The following PRDM2 variants were observed in gnomAD, a reference collection of about 807,000 sequenced individuals.
PRDM2 encodes PR/SET domain 2, also known as PR domain zinc finger protein 2.
In PRDM2, 30 loss-of-function variants were observed where a neutral mutation model predicts 130.0. The ratio of observed to expected loss-of-function variants is 0.23; its 90% CI spans 0.17 to 0.31. PRDM2 has a LOEUF of 0.31. Ranked by LOEUF, PRDM2 falls within the 10% of genes least tolerant of loss-of-function variation. The pLI is 1.00. For synonymous variants in PRDM2, 871 were observed against 782.4 expected, an observed-to-expected ratio of 1.11 and a Z score of -1.89; for missense variants, 2,011 against 2,108.4, an observed-to-expected ratio of 0.95 and a Z score of 0.90.
chr1:13,742,143 T>C lies in PRDM2; in HGVS notation c.370T>C (p.Tyr124His). The C allele has an allele frequency of 1.2e-6, 2 of 1,613,684 alleles. No individual in the cohort carries two copies. The highest frequency in any genetic ancestry group is 1.7e-6 in the Non-Finnish European group (2 of 1,179,720). ...FPLEINRAIYYKTLKPIAPGE... is the reference protein window; with the variant it reads ...FPLEINRAIYHKTLKPIAPGE... ...ACTGGAAATCAACAGAGCCATTTAC[T>C]ATAAAACTTTAAAGGTAACAGCATT... Residue 124 changes from tyrosine (Y) to histidine (H), a missense_variant, in exon 5 of 10, where the codon TAT becomes CAT. Around this residue, in one of 5 missense-constraint regions of PRDM2, gnomAD observed 1,288 missense variants for 1,237.7 expected, o/e 1.04. Transcript: ENST00000311066.
chr1:13,722,158 T>C (rs1474185919), intron 2 of PRDM2, among the ~76,000 whole-genome samples: 1 of 152,202 alleles, frequency 6.6e-6, no homozygotes, highest in Non-Finnish European at 1.5e-5. Context: ...ATTGATTTCC[T>C]CGCCAACGTT....
intron 2 of PRDM2, among the ~76,000 whole-genome samples, chr1:13,718,002 T>G (rs1477853187): frequency 2.0e-5 from 3 of 152,216 alleles, no homozygotes; most frequent in Non-Finnish European, 4.4e-5. Context: ...TATCAGTGTT[T>G]TTCAACAATC....
At chr1:13,769,688 A>C (rs1278029402) in intron 6 of PRDM2, among the ~76,000 whole-genome samples, 1 of 152,254 alleles carries the variant, frequency 6.6e-6, no homozygotes, top group East Asian at 1.9e-4. Flanking sequence ...TTTCCTTGAT[A>C]AACTAAGTGT....
At position 13,779,231 on chromosome 1, in the gene PRDM2, T is replaced by G. The variant is rs148345030; in HGVS notation, c.1436T>G (p.Val479Gly). ...NSSVVEENGEVKELHPCKYCK... is the reference protein window; with the variant it reads ...NSSVVEENGEGKELHPCKYCK... ...TCTGTCGTAGAAGAGAATGGGGAAGTTAAAGAACTTCATCCGTGCAAATAT... is the reference window on the plus strand; with the variant it reads ...TCTGTCGTAGAAGAGAATGGGGAAGGTAAAGAACTTCATCCGTGCAAATAT... Residue 479 changes from valine to glycine, a missense_variant, in exon 8 of 10, where the codon GTT becomes GGT. Physicochemically the swap from Val to Gly is moderately radical, Grantham distance 109 (BLOSUM62 -3). Transcript: ENST00000311066. The surrounding 1 kb of genome is among the most constrained non-coding windows in gnomAD (Gnocchi z 4.9). 374 of 1,613,978 alleles carry G rather than the reference T, an allele frequency of 2.3e-4. 1 individual carries two copies. Among genetic ancestry groups the G allele is most frequent in the Non-Finnish European group, 2.6e-4 (306 of 1,180,014 alleles).
chr1:13,782,594 C>T lies in PRDM2; in HGVS notation c.4799C>T (p.Ser1600Phe), dbSNP rs1053280684. 5 of 1,614,066 alleles carry T rather than the reference C, an allele frequency of 3.1e-6. No individual in the cohort carries two copies. The African/African-American group carries it at 6.7e-5, about 22-fold the overall frequency. The change falls in exon 8 of 10, where the codon TCT becomes TTT. Residue 1600 changes from serine to phenylalanine, a missense_variant. Physicochemically the swap from Ser to Phe is radical, Grantham distance 155. Around this residue, in one of 5 missense-constraint regions of PRDM2, gnomAD observed 410 missense variants for 395.9 expected, o/e 1.04. Transcript: ENST00000311066. ...KKPKAVAKNH[S>F]AQLSSKTSRS... is the part of the protein sequence containing the mutation. The stretch of plus-strand genomic sequence containing the variant: ...CCTAAAGCTGTGGCCAAGAATCATT[C>T]TGCTCAGCTTTCCAGCAAAACATCA...
rs575514845 is a variant in PRDM2, at chr1:13,710,941, C to T, written c.-65-4600C>T. On this transcript the variant is annotated intron_variant, in intron 1 of 9. Coordinates refer to ENST00000311066, the MANE Select transcript of PRDM2 (RefSeq NM_001393986.1). Reference sequence around the variant, plus strand: ...CTCTACTAAAAATACAAAAAATAGCCGGGCGTGTTGACGGGCGCCTGTAGT... The same window carrying T: ...CTCTACTAAAAATACAAAAAATAGCTGGGCGTGTTGACGGGCGCCTGTAGT... Among the ~76,000 whole-genome samples, 180 of 152,112 alleles carry T rather than the reference C, an allele frequency of 1.2e-3. 3 individuals are homozygous for T. The South Asian group carries it at 0.036, about 30-fold the overall frequency.
chr1:13,756,855 T>C (rs764410945), intron 6 of PRDM2, among the ~76,000 whole-genome samples: 2 of 152,316 alleles, frequency 1.3e-5, no homozygotes, highest in East Asian at 3.9e-4. Context: ...CCAATAATCC[T>C]GCGAAGTTGA....
intron 5 of PRDM2, among the ~76,000 whole-genome samples, chr1:13,748,790 C>T (rs1569851177): frequency 6.6e-6 from 1 of 152,172 alleles, no homozygotes; most frequent in Non-Finnish European, 1.5e-5. Flanking sequence ...AAGGGCGAGG[C>T]ACGGACCTCC....
chr1:13,750,554 C>T (rs977099400), intron 6 of PRDM2, among the ~76,000 whole-genome samples: 11 of 151,984 alleles, frequency 7.2e-5, no homozygotes, highest in Admixed American at 2.6e-4. Flanking sequence ...ATGTTAAAAT[C>T]GGCATTAAGG....
intron 8 of PRDM2, among the ~76,000 whole-genome samples, chr1:13,815,976 C>G (rs1211613133): frequency 7.2e-5 from 11 of 152,150 alleles, no homozygotes; most frequent in Admixed American, 7.2e-4. Flanking sequence ...AGTAACCTCC[C>G]CAGATGCTTT....
chr1:13,755,347 T>G (rs1195443570), intron 6 of PRDM2, among the ~76,000 whole-genome samples: 1 of 152,242 alleles, frequency 6.6e-6, no homozygotes, highest in African/African-American at 2.4e-5. Context: ...TTAAAAAGTT[T>G]TAAATATCAT....
At chr1:13,705,654 C>G (rs1642186135) in intron 1 of PRDM2, 1 of 152,166 alleles carries the variant, frequency 6.6e-6, no homozygotes, top group South Asian at 2.1e-4. Flanking sequence ...AGGTACTTTT[C>G]CCGGGAAGGT....
At position 13,779,099 on chromosome 1, in the gene PRDM2, C is replaced by T; in HGVS notation, c.1304C>T (p.Ala435Val). 6.2e-7 allele frequency: 1 copy of T among 1,614,172 alleles called. No individual in the cohort carries two copies. Among genetic ancestry groups the T allele is most frequent in the South Asian group, 1.1e-5 (1 of 91,082 alleles). ...QPSEDLADGKASGENVASKDD... is the reference protein window; with the variant it reads ...QPSEDLADGKVSGENVASKDD... ...TCAGAGGATCTGGCTGATGGCAAAG[C>T]ATCTGGAGAAAACGTTGCTTCAAAA... Residue 435 changes from alanine (A) to valine (V), a missense_variant, in exon 8 of 10, where the codon GCA (alanine) becomes GTA (valine). By Grantham distance (64) the Ala-to-Val change is moderately conservative. This residue lies in a region of PRDM2 where 1,288 missense variants were observed against 1,237.7 expected (regional missense o/e 1.04). Transcript: ENST00000311066. The surrounding 1 kb of genome is among the most constrained non-coding windows in gnomAD (Gnocchi z 4.9).
At chr1:13,766,672 A>C (rs985505114) in intron 6 of PRDM2, among the ~76,000 whole-genome samples, 6 of 152,194 alleles carry the variant, frequency 3.9e-5, no homozygotes, top group Non-Finnish European at 5.9e-5. Flanking sequence ...TTTGGAACCA[A>C]CTGTGAAGCT....
intron 6 of PRDM2, 38 bp downstream of exon 6, chr1:13,749,525 CACGCCCGCCCAGG>C: frequency 8.0e-7 from 1 of 1,251,738 alleles, no homozygotes; most frequent in Non-Finnish European, 1.0e-6. Flanking sequence ...GCCCCGGCGC[CACGCCCGCCCAGG>C]ACGCCGCCCT....
At chr1:13,712,372 G>T (rs1642398460) in intron 1 of PRDM2, among the ~76,000 whole-genome samples, 1 of 152,208 alleles carries the variant, frequency 6.6e-6, no homozygotes, top group Non-Finnish European at 1.5e-5. Context: ...GTGAGGAAAA[G>T]AAAAGAAGTG....
At chr1:13,746,303 T>A (rs1643603613) in intron 5 of PRDM2, among the ~76,000 whole-genome samples, 1 of 151,718 alleles carries the variant, frequency 6.6e-6, no homozygotes, top group Non-Finnish European at 1.5e-5. Context: ...GTTTTTCTTT[T>A]CTTCTGAACT....
chr1:13,782,913 C>G, intron 8 of PRDM2, 82 bp downstream of exon 8: 2 of 1,448,742 alleles, frequency 1.4e-6, no homozygotes, highest in Middle Eastern at 2.0e-4. Flanking sequence ...TTTCTTGTTG[C>G]TTTTTTTTTT....
At chr1:13,761,737 A>G (rs1003367565) in intron 6 of PRDM2, among the ~76,000 whole-genome samples, 15 of 152,144 alleles carry the variant, frequency 9.9e-5, no homozygotes, top group African/African-American at 3.6e-4. Context: ...TTCAGTTTTC[A>G]AACTCAAGCA....
Sources: allele counts gnomAD v4.1 joint callset (sites outside exome capture counted in the v4.1 genomes callset), GRCh38; gene constraint gnomAD v4.1.1; regional missense constraint gnomAD v4.1.1; non-coding constraint Gnocchi (gnomAD v3.1); transcripts MANE v1.5; gene names NCBI Gene and HGNC (gene_info 2026-07-23, HGNC 2026-07-21).